The following SRPK2 variants were observed in gnomAD, a reference collection of about 807,000 sequenced individuals.
SRPK2 encodes the protein SRSF protein kinase 2.
In SRPK2, 21 loss-of-function variants were observed where a neutral mutation model predicts 90.8. The observed-to-expected ratio is 0.23, with a 90% CI of 0.16 to 0.33. The LOEUF is 0.33. Among genes scored for constraint, SRPK2 ranks in the 10% least tolerant of loss-of-function variants. SRPK2 has a pLI of 1.00. For missense variants in SRPK2, 620 were observed against 869.0 expected, an observed-to-expected ratio of 0.71 and a Z score of 3.60; for synonymous variants, 288 against 311.1, an observed-to-expected ratio of 0.93 and a Z score of 0.78.
At chr7:105,342,759 C>T (rs1415885708) in intron 2 of SRPK2, among the ~76,000 whole-genome samples, 1 of 152,102 alleles carries the variant, frequency 6.6e-6, no homozygotes, top group African/African-American at 2.4e-5. Context: ...TCCCACACAG[C>T]CCCACATACC....
At chr7:105,169,112 G>T (rs946778423) in intron 4 of SRPK2, 45 bp downstream of exon 4, 4 of 1,530,926 alleles carry the variant, frequency 2.6e-6, no homozygotes, top group Non-Finnish European at 2.7e-6. Context: ...CACAGATGTT[G>T]AACTACTCCA....
At chr7:105,290,451 C>T (rs73186054) in intron 2 of SRPK2, among the ~76,000 whole-genome samples, 65,879 of 151,660 alleles carry the variant, frequency 0.43, 15,589 homozygotes, top group South Asian at 0.53. Flanking sequence ...TGAGCGGAGA[C>T]TGCGCCACTG....
intron 2 of SRPK2, among the ~76,000 whole-genome samples, chr7:105,219,948 T>C (rs1402431764): frequency 2.0e-5 from 3 of 152,220 alleles, no homozygotes; most frequent in African/African-American, 7.2e-5. Flanking sequence ...CACAAACTGG[T>C]GGCAAGAACA....
At chr7:105,148,747 ATGT>A (rs1381178885) in intron 7 of SRPK2, among the ~76,000 whole-genome samples, 1 of 152,220 alleles carries the variant, frequency 6.6e-6, no homozygotes, top group East Asian at 1.9e-4. Context: ...CTTTGCTGAG[ATGT>A]TGTTAATTTG....
chr7:105,164,295 G>C (rs1290263674), intron 6 of SRPK2, among the ~76,000 whole-genome samples: 1 of 152,198 alleles, frequency 6.6e-6, no homozygotes, highest in Admixed American at 6.5e-5. Context: ...GAATGCTTTA[G>C]CAGGAAAATA....
At chr7:105,251,817 G>A (rs1357065464) in intron 2 of SRPK2, among the ~76,000 whole-genome samples, 1 of 152,304 alleles carries the variant, frequency 6.6e-6, no homozygotes, top group African/African-American at 2.4e-5. Context: ...AAATTTGGGG[G>A]TTTTGTATTT....
In SRPK2 at chr7:105,201,805, G is replaced by T. The variant is rs186956955; in HGVS notation, c.229+1823C>A. Among the ~76,000 whole-genome samples the T allele has an allele frequency of 7.2e-5, 11 of 152,158 alleles. No individual in the cohort carries two copies. In the East Asian group the frequency reaches 2.1e-3, roughly 29 times the overall value. Reference sequence around the variant, plus strand: ...AGGCTGAGATGGGAGGATTGCTCAGGCCCAGGAGGTTGAGGCTGCAGTGAG... The same window carrying T: ...AGGCTGAGATGGGAGGATTGCTCAGTCCCAGGAGGTTGAGGCTGCAGTGAG... On this transcript the variant is annotated intron_variant, in intron 3 of 15. Coordinates refer to ENST00000393651, the MANE Select transcript of SRPK2 (RefSeq NM_182692.3).
chr7:105,281,216 C>A (rs1177960920), intron 2 of SRPK2, among the ~76,000 whole-genome samples: 1 of 151,758 alleles, frequency 6.6e-6, no homozygotes, highest in Non-Finnish European at 1.5e-5. Flanking sequence ...CCTGTCTCAG[C>A]CTCCCGAGTA....
At chr7:105,176,767 G>A (rs1404160228) in intron 3 of SRPK2, among the ~76,000 whole-genome samples, 3 of 151,414 alleles carry the variant, frequency 2.0e-5, no homozygotes, top group Admixed American at 6.6e-5. Context: ...GTGTGTGTGT[G>A]TGTGTGTATA....
chr7:105,369,667 C>A (rs903194035), intron 2 of SRPK2, among the ~76,000 whole-genome samples: 15 of 151,974 alleles, frequency 9.9e-5, no homozygotes, highest in Non-Finnish European at 7.4e-5. Context: ...CATGCCCAAT[C>A]CCCCCAAAAA....
chr7:105,305,970 T>C (rs1380384364), intron 2 of SRPK2, among the ~76,000 whole-genome samples: 1 of 152,146 alleles, frequency 6.6e-6, no homozygotes, highest in Non-Finnish European at 1.5e-5. Context: ...CTTTCAGAAA[T>C]GTAAATGGAT....
intron 2 of SRPK2, among the ~76,000 whole-genome samples, chr7:105,291,164 G>A (rs1808962385): frequency 6.6e-6 from 1 of 152,152 alleles, no homozygotes; most frequent in African/African-American, 2.4e-5. Context: ...TGGCTGGCAG[G>A]ACTTAAGTCG....
intron 2 of SRPK2, among the ~76,000 whole-genome samples, chr7:105,219,676 C>T (rs1797870897): frequency 6.6e-6 from 1 of 152,194 alleles, no homozygotes; most frequent in African/African-American, 2.4e-5. Context: ...TGAAAAATCA[C>T]AAGTGAAAAA....
chr7:105,261,199 G>A (rs2129960830), intron 2 of SRPK2, among the ~76,000 whole-genome samples: 1 of 152,234 alleles, frequency 6.6e-6, no homozygotes, highest in Non-Finnish European at 1.5e-5. Flanking sequence ...AAAAATAAAT[G>A]TAACAATAAG....
intron 2 of SRPK2, among the ~76,000 whole-genome samples, chr7:105,213,328 T>G (rs1356985920): frequency 6.6e-6 from 1 of 152,272 alleles, no homozygotes; most frequent in Non-Finnish European, 1.5e-5. Context: ...GCTTGATATA[T>G]AAAATCTATA....
chr7:105,185,475 T>C (rs1051620488), intron 3 of SRPK2, among the ~76,000 whole-genome samples: 7 of 152,108 alleles, frequency 4.6e-5, no homozygotes, highest in Non-Finnish European at 8.8e-5. Flanking sequence ...CAAGGGTATA[T>C]ATTATAGCAC....
At chr7:105,133,521 T>C (rs1415690746) in intron 11 of SRPK2, among the ~76,000 whole-genome samples, 1 of 152,128 alleles carries the variant, frequency 6.6e-6, no homozygotes, top group Non-Finnish European at 1.5e-5. Flanking sequence ...AGAACACTGC[T>C]GTGGGGGCCG....
At chr7:105,389,545 G>A (rs1822084611), upstream of SRPK2, among the ~76,000 whole-genome samples, 1 of 152,200 alleles carries the variant, frequency 6.6e-6, no homozygotes, top group African/African-American at 2.4e-5. Flanking sequence ...AGCATTCAAG[G>A]TAGGACAAAG....
At chr7:105,351,893 ACACCC>A in intron 2 of SRPK2, among the ~76,000 whole-genome samples, 1 of 133,458 alleles carries the variant, frequency 7.5e-6, no homozygotes, top group African/African-American at 2.9e-5. Context: ...ACAGACTAAG[ACACCC>A]TTATAATCCA....
Sources: gnomAD v4.1 joint callset for allele counts (sites outside exome capture counted in the v4.1 genomes callset) on GRCh38, gnomAD v4.1.1 for gene constraint, MANE v1.5 for transcripts, NCBI Gene and HGNC (gene_info 2026-07-23, HGNC 2026-07-21) for gene names.